The following B4GALT1 variants were observed in gnomAD, a reference collection of about 807,000 sequenced individuals.
B4GALT1 encodes N-acetyllactosamine synthase.
Under a neutral mutation model 34.9 loss-of-function variants are expected in B4GALT1, and 16 were observed. The ratio of observed to expected loss-of-function variants is 0.46; its 90% confidence interval spans 0.31 to 0.70. B4GALT1 has a LOEUF of 0.70. Among genes scored for constraint, B4GALT1 ranks in the 30% least tolerant of loss-of-function variants. The pLI, the probability that B4GALT1 is intolerant of heterozygous loss-of-function variation, is 0.05. For synonymous variants in B4GALT1, 221 were observed against 218.1 expected, an observed-to-expected ratio of 1.01 and a Z score of -0.12; for missense variants, 445 against 530.5, an observed-to-expected ratio of 0.84 and a Z score of 1.58.
At chr9:33,127,304 G>A (rs1284073025) in intron 2 of B4GALT1, among the ~76,000 whole-genome samples, 2 of 152,194 alleles carry the variant, frequency 1.3e-5, no homozygotes, top group Non-Finnish European at 2.9e-5. Context: ...AGCCAGCGCA[G>A]GATGCCTGCC....
intron 2 of B4GALT1, among the ~76,000 whole-genome samples, chr9:33,133,428 C>T (rs111643152): frequency 5.3e-5 from 8 of 152,310 alleles, no homozygotes; most frequent in East Asian, 1.9e-4. Context: ...TGATGGTGGC[C>T]GCCTCTTCCA....
intron 1 of B4GALT1, among the ~76,000 whole-genome samples, chr9:33,136,051 G>A (rs917463686): frequency 6.6e-6 from 1 of 151,986 alleles, no homozygotes; most frequent in Non-Finnish European, 1.5e-5. Flanking sequence ...GTGAACCAAG[G>A]TCTGGGAGAG....
the B4GALT1 span, among the ~76,000 whole-genome samples, chr9:33,174,828 G>A: frequency 2.9e-5 from 4 of 139,384 alleles, no homozygotes; most frequent in African/African-American, 1.1e-4. Context: ...ATGGTGGTGT[G>A]CACCTGTAAT....
chr9:33,168,447 T>G (rs7037398), upstream of B4GALT1, among the ~76,000 whole-genome samples: 149,282 of 152,322 alleles, frequency 0.98, 73,193 homozygotes, highest in East Asian at 1. Flanking sequence ...CAGCCAACCA[T>G]CAGGGAATAA....
intron 1 of B4GALT1, among the ~76,000 whole-genome samples, chr9:33,159,042 T>C (rs912013638): frequency 6.6e-6 from 1 of 152,076 alleles, no homozygotes; most frequent in African/African-American, 2.4e-5. Flanking sequence ...CCCAACACCT[T>C]AATACCACAT....
intron 2 of B4GALT1, among the ~76,000 whole-genome samples, chr9:33,127,459 G>C (rs1346507788): frequency 6.6e-6 from 1 of 152,170 alleles, no homozygotes; most frequent in Non-Finnish European, 1.5e-5. Context: ...AAAGCAATTT[G>C]GCCATCTGTA....
intron 1 of B4GALT1, among the ~76,000 whole-genome samples, chr9:33,142,647 C>T (rs1043845555): frequency 2.0e-5 from 3 of 152,074 alleles, no homozygotes; most frequent in African/African-American, 4.8e-5. Flanking sequence ...GACAGTTTCT[C>T]GCTCTGTTAC....
At chr9:33,182,429 T>C in the B4GALT1 span, among the ~76,000 whole-genome samples, 1 of 152,178 alleles carries the variant, frequency 6.6e-6, no homozygotes, top group Non-Finnish European at 1.5e-5. Context: ...ACGCTGTCCA[T>C]CTCATTACAG....
Position 33,135,316 on chromosome 9 carries a change from G to A in B4GALT1, c.521C>T (p.Ser174Phe), listed in dbSNP as rs1840251936. 6.2e-7 allele frequency: 1 copy of A among 1,614,098 alleles called. No individual in the cohort carries two copies. The highest frequency in any genetic ancestry group is 1.7e-5 in the Admixed American group (1 of 60,012). Residue 174 changes from serine (S) to phenylalanine (F), a missense_variant, in exon 2 of 6, where the codon TCT becomes TTT. Physicochemically the swap from Ser to Phe is radical, Grantham distance 155. This residue lies in a region of B4GALT1 where 349 missense variants were observed against 395.5 expected (regional missense o/e 0.88). Transcript: ENST00000379731. The part of the protein sequence containing the change: ...GGRYAPRDCV[S>F]PHKVAIIIPF... ...AATGATGATGGCCACCTTGTGAGGAGAGACGCAGTCCCTGGGGGCATAGCG... is the reference window on the plus strand; with the variant it reads ...AATGATGATGGCCACCTTGTGAGGAAAGACGCAGTCCCTGGGGGCATAGCG...
At chr9:33,134,390 C>T (rs1359684064) in intron 2 of B4GALT1, among the ~76,000 whole-genome samples, 2 of 152,282 alleles carry the variant, frequency 1.3e-5, no homozygotes, top group Middle Eastern at 3.4e-3. Context: ...TGTGTCATTG[C>T]ACCTAGGAGG....
At chr9:33,116,521 CTTTTTTT>C (rs577170197) in intron 3 of B4GALT1, among the ~76,000 whole-genome samples, 3 of 107,308 alleles carry the variant, frequency 2.8e-5, no homozygotes, top group Non-Finnish European at 5.2e-5. Context: ...CAAACCGGAT[CTTTTTTT>C]TTTTTTTTTT....
intron 1 of B4GALT1, among the ~76,000 whole-genome samples, chr9:33,148,958 T>C (rs1840468977): frequency 1.3e-5 from 2 of 152,300 alleles, no homozygotes; most frequent in Non-Finnish European, 2.9e-5. Flanking sequence ...TACATAATGA[T>C]AGTAAAGGAT....
rs756028199 is a variant in B4GALT1, at chr9:33,135,313, G to A, written c.524C>T (p.Pro175Leu). Residue 175 changes from proline to leucine, a missense_variant, in exon 2 of 6, where the codon CCT becomes CTT. Transcript: ENST00000379731. The stretch of plus-strand genomic sequence containing the variant: ...TGGAATGATGATGGCCACCTTGTGA[G>A]GAGAGACGCAGTCCCTGGGGGCATA... Reference protein sequence around the residue: ...GRYAPRDCVSPHKVAIIIPFR... With the variant: ...GRYAPRDCVSLHKVAIIIPFR... 1.2e-6 allele frequency: 2 copies of A among 1,614,204 alleles called. No homozygotes were observed. Among genetic ancestry groups the A allele is most frequent in the Non-Finnish European group, 1.7e-6 (2 of 1,180,024 alleles).
chr9:33,138,140 G>C (rs1168837981), intron 1 of B4GALT1, among the ~76,000 whole-genome samples: 2 of 152,208 alleles, frequency 1.3e-5, no homozygotes, highest in Non-Finnish European at 2.9e-5. Flanking sequence ...GCTTCCGCGG[G>C]ACAGACACCT....
At chr9:33,150,233 T>TACACACACACACACACACACACACACAC (rs10701535) in intron 1 of B4GALT1, among the ~76,000 whole-genome samples, 1 of 138,132 alleles carries the variant, frequency 7.2e-6, no homozygotes, top group Non-Finnish European at 1.5e-5. Flanking sequence ...TACAGGTAGA[T>TACACACACACACACACACACACACACAC]ACACACACAC....
rs1840776687 is a variant in B4GALT1, at chr9:33,167,202, T to G, written c.-33A>C. 6.4e-7 allele frequency: 1 copy of G among 1,555,648 alleles called. No homozygotes were observed. The highest frequency in any genetic ancestry group is 1.9e-5 in the Admixed American group (1 of 52,410). On this transcript the variant is annotated 5_prime_UTR_variant, in exon 1 of 6. Coordinates refer to ENST00000379731, the MANE Select transcript of B4GALT1 (RefSeq NM_001497.4). ...CCGCCGCTTTAAGAAGGGTGTGGGCTACAGGAGGGGAGGCGACCCGCCCGC... is the reference window on the plus strand; with the variant it reads ...CCGCCGCTTTAAGAAGGGTGTGGGCGACAGGAGGGGAGGCGACCCGCCCGC...
downstream of B4GALT1, chr9:33,108,632 G>GTGGGTGGATGCGTGCGTC (rs1022640909): frequency 1.3e-5 from 2 of 152,234 alleles, no homozygotes; most frequent in Non-Finnish European, 2.9e-5. Context: ...GTGGAGGTGT[G>GTGGGTGGATGCGTGCGTC]TGGGTGGATG....
At chr9:33,150,748 T>A (rs1032452916) in intron 1 of B4GALT1, among the ~76,000 whole-genome samples, 16 of 152,212 alleles carry the variant, frequency 1.1e-4, no homozygotes, top group African/African-American at 3.9e-4. Context: ...AAATTTTTTT[T>A]AAAGTTAAGA....
At chr9:33,129,683 C>A (rs907005991) in intron 2 of B4GALT1, among the ~76,000 whole-genome samples, 4 of 152,160 alleles carry the variant, frequency 2.6e-5, no homozygotes, top group African/African-American at 9.7e-5. Context: ...AGATAATCAT[C>A]CCTTTCCAGA....
Sources: gnomAD v4.1 joint callset for allele counts (sites outside exome capture counted in the v4.1 genomes callset) on GRCh38, gnomAD v4.1.1 for gene constraint, gnomAD v4.1.1 regional missense constraint, MANE v1.5 for transcripts, NCBI Gene and HGNC (gene_info 2026-07-23, HGNC 2026-07-21) for gene names.